Variants in COL25A1 observed in about 807,000 individuals in gnomAD.
The protein encoded by COL25A1 is collagen type XXV alpha 1 chain, also known as collagen alpha-1(XXV) chain.
In COL25A1, 103 loss-of-function variants were observed where a neutral mutation model predicts 128.4. That is an observed-to-expected ratio of 0.80 (90% confidence interval 0.68 to 0.94). COL25A1 has a LOEUF of 0.94. Among genes scored for constraint, COL25A1 ranks in the 40% least tolerant of loss-of-function variants. The pLI is 0.00. For synonymous variants in COL25A1, 279 were observed against 277.2 expected (o/e 1.01, Z -0.06); for missense variants, 745 against 840.0 (o/e 0.89, Z 1.40).
intron 5 of COL25A1, among the ~76,000 whole-genome samples, chr4:109,012,102 T>C (rs528379193): frequency 6.6e-6 from 1 of 152,296 alleles, no homozygotes; most frequent in East Asian, 1.9e-4. Flanking sequence ...AGTCTTGAAC[T>C]CCCAGGCTCA....
chr4:108,861,573 G>A (rs1737228888), intron 22 of COL25A1, among the ~76,000 whole-genome samples: 1 of 152,138 alleles, frequency 6.6e-6, no homozygotes, highest in Non-Finnish European at 1.5e-5. Flanking sequence ...GAAGGTCAGG[G>A]GCAGGGCAAA....
chr4:109,013,501 T>TGTTCTTCACACTGTGTAGGCTTG (rs1756882788), intron 5 of COL25A1, among the ~76,000 whole-genome samples: 2 of 152,156 alleles, frequency 1.3e-5, no homozygotes, highest in African/African-American at 4.8e-5. Context: ...GTGTAGGCTT[T>TGTTCTTCACACTGTGTAGGCTTG]GTTCTTTCAC....
At chr4:109,115,406 T>C (rs188896533) in intron 3 of COL25A1, among the ~76,000 whole-genome samples, 1 of 152,054 alleles carries the variant, frequency 6.6e-6, no homozygotes, top group African/African-American at 2.4e-5. Context: ...AGTCAAAATG[T>C]AGGTTTTTGA....
At chr4:108,885,412 C>A (rs1740660245) in intron 18 of COL25A1, among the ~76,000 whole-genome samples, 1 of 152,106 alleles carries the variant, frequency 6.6e-6, no homozygotes, top group African/African-American at 2.4e-5. Flanking sequence ...AAAGTTACTT[C>A]AGGAATGCAA....
chr4:108,934,889 T>C (rs1240342599), intron 11 of COL25A1, among the ~76,000 whole-genome samples: 2 of 152,124 alleles, frequency 1.3e-5, no homozygotes, highest in African/African-American at 4.8e-5. Context: ...AACAATTGAG[T>C]GATAATAATA....
chr4:108,940,899 G>C (rs1196868749), intron 9 of COL25A1, among the ~76,000 whole-genome samples: 1 of 152,208 alleles, frequency 6.6e-6, no homozygotes, highest in East Asian at 1.9e-4. Flanking sequence ...CTTGGAAATA[G>C]TGTGTATGTT....
chr4:109,115,517 T>C (rs888426149), intron 3 of COL25A1, among the ~76,000 whole-genome samples: 1 of 152,084 alleles, frequency 6.6e-6, no homozygotes, highest in Non-Finnish European at 1.5e-5. Context: ...TCATTTGAAC[T>C]AAGGGGATGG....
At chr4:108,841,780 T>C in intron 30 of COL25A1, 59 bp from the exon 31 acceptor site, 2 of 1,291,974 alleles carry the variant, frequency 1.5e-6, no homozygotes, top group Middle Eastern at 1.9e-4. Flanking sequence ...CCAGCAAGAG[T>C]GAATATTATA....
intron 3 of COL25A1, among the ~76,000 whole-genome samples, chr4:109,192,031 G>C (rs1310587310): frequency 1.3e-5 from 2 of 152,324 alleles, no homozygotes; most frequent in East Asian, 1.9e-4. Flanking sequence ...AAGTTAAATA[G>C]CCATTTGAGC....
chr4:109,300,553 G>A (rs745720191), intron 3 of COL25A1, 30 bp downstream of exon 3: 1 of 1,486,510 alleles, frequency 6.7e-7, no homozygotes. Context: ...CTGCTCTGGA[G>A]GAAACCTTGT....
At chr4:108,872,691 T>C (rs62314574) in intron 19 of COL25A1, among the ~76,000 whole-genome samples, 73,834 of 150,670 alleles carry the variant, frequency 0.49, 20,345 homozygotes, top group East Asian at 0.93. Context: ...GATATATATA[T>C]ACACACACAC....
At chr4:108,853,610 G>T (rs1736098444) in intron 24 of COL25A1, among the ~76,000 whole-genome samples, 1 of 152,030 alleles carries the variant, frequency 6.6e-6, no homozygotes, top group Non-Finnish European at 1.5e-5. Flanking sequence ...GTGGTTTGCT[G>T]CACCCATCAA....
intron 3 of COL25A1, among the ~76,000 whole-genome samples, chr4:109,136,310 A>G (rs1239963825): frequency 6.6e-6 from 1 of 152,164 alleles, no homozygotes; most frequent in Non-Finnish European, 1.5e-5. Flanking sequence ...AAGGCATGAG[A>G]ATCGCTTAAG....
intron 16 of COL25A1, 77 bp from the exon 17 acceptor site, chr4:108,889,810 C>A: frequency 1.6e-6 from 2 of 1,280,726 alleles, no homozygotes; most frequent in Non-Finnish European, 2.3e-6. Context: ...AGAGCCATCA[C>A]CAACACAGGT....
chr4:109,150,369 G>C lies in COL25A1; in HGVS notation c.368-100190C>G, dbSNP rs113174636. The stretch of plus-strand genomic sequence containing the variant: ...GTTAATCAGGTAATGCCTCCTAAGG[G>C]TACTTCTGAGATGAGTGAAAACTGG... On this transcript the variant is annotated intron_variant, in intron 3 of 37. Transcript: ENST00000399132. 4.0e-3 allele frequency among the ~76,000 whole-genome samples: 616 copies of C among 152,158 alleles called. 2 individuals are homozygous for C. Among genetic ancestry groups the C allele is most frequent in the Non-Finnish European group, 7.4e-3 (501 of 67,968 alleles).
chr4:109,130,559 G>C (rs1428973897), intron 3 of COL25A1, among the ~76,000 whole-genome samples: 1 of 149,752 alleles, frequency 6.7e-6, no homozygotes, highest in African/African-American at 2.4e-5. Flanking sequence ...AAAGGGGAAG[G>C]AGTGAAGCAA....
intron 3 of COL25A1, among the ~76,000 whole-genome samples, chr4:109,184,798 A>T (rs896594364): frequency 6.6e-6 from 1 of 152,186 alleles, no homozygotes; most frequent in South Asian, 2.1e-4. Flanking sequence ...ATGCTACCAC[A>T]ATATTCCTGC....
chr4:108,955,078 C>T (rs1749909980), intron 8 of COL25A1, among the ~76,000 whole-genome samples: 1 of 151,828 alleles, frequency 6.6e-6, no homozygotes, highest in Admixed American at 6.6e-5. Flanking sequence ...AGTTTTATGA[C>T]TCACATATGT....
At chr4:109,063,783 TC>T (rs1762188275) in intron 3 of COL25A1, among the ~76,000 whole-genome samples, 1 of 152,242 alleles carries the variant, frequency 6.6e-6, no homozygotes, top group South Asian at 2.1e-4. Context: ...GTAAGCCCCG[TC>T]CAGATTATTA....
Sources: gnomAD v4.1 joint callset for allele counts (sites outside exome capture counted in the v4.1 genomes callset) on GRCh38, gnomAD v4.1.1 for gene constraint, MANE v1.5 for transcripts, NCBI Gene and HGNC (gene_info 2026-07-23, HGNC 2026-07-21) for gene names.